Variants in B3GLCT observed in about 807,000 individuals in gnomAD.
The protein encoded by B3GLCT is beta-1,3-glucosyltransferase.
Under a neutral mutation model 63.4 loss-of-function variants are expected in B3GLCT, and 65 were observed. The observed-to-expected ratio is 1.03, with a 90% CI of 0.84 to 1.26. The LOEUF (loss-of-function observed/expected upper bound fraction) is 1.26. Among genes scored for constraint, B3GLCT ranks in the 50% most tolerant of loss-of-function variants. The probability of loss-of-function intolerance (pLI) is 0.00; values close to 1 mark genes in which losing one functional copy is unlikely to be tolerated. For synonymous variants in B3GLCT, 233 were observed against 219.2 expected (o/e 1.06, Z -0.55); for missense variants, 577 against 604.8 (o/e 0.95, Z 0.48).
intron 4 of B3GLCT, 54 bp from the exon 5 acceptor site, chr13:31,246,969 T>TAAA: frequency 9.0e-7 from 1 of 1,105,538 alleles, no homozygotes; most frequent in Non-Finnish European, 1.3e-6. Context: ...TTTTTTTTAC[T>TAAA]TTTTTTCGGA....
At chr13:31,236,354 G>A (rs1003932070) in intron 4 of B3GLCT, among the ~76,000 whole-genome samples, 1 of 151,956 alleles carries the variant, frequency 6.6e-6, no homozygotes, top group African/African-American at 2.4e-5. Flanking sequence ...TCCTTTATTT[G>A]CAGTTTTCTG....
intron 4 of B3GLCT, among the ~76,000 whole-genome samples, chr13:31,233,917 C>T (rs991864900): frequency 7.2e-5 from 11 of 152,058 alleles, no homozygotes; most frequent in African/African-American, 2.7e-4. Context: ...GGGCAAAGTA[C>T]TGGGGATACA....
intron 4 of B3GLCT, among the ~76,000 whole-genome samples, chr13:31,239,820 G>A (rs1032265888): frequency 1.2e-3 from 182 of 152,098 alleles, no homozygotes; most frequent in African/African-American, 4.2e-3. Flanking sequence ...GGAACTTTAC[G>A]TAAGATTAAA....
rs537959317 is a variant in B3GLCT, at chr13:31,282,851, T to G, written c.851-1797T>G. On this transcript the variant is annotated intron_variant, in intron 10 of 14. Coordinates refer to ENST00000343307, the MANE Select transcript of B3GLCT (RefSeq NM_194318.4). ...TTTAACAAGCTTCCACAAATAATCC[T>G]AGGCCTTTTATTGAAATGCCTACAA... Among the ~76,000 whole-genome samples, 9 of 152,344 alleles carry G rather than the reference T, an allele frequency of 5.9e-5. No homozygotes were observed. In the South Asian group the frequency reaches 1.9e-3, roughly 32 times the overall value.
intron 8 of B3GLCT, among the ~76,000 whole-genome samples, chr13:31,273,720 T>G (rs539646252): frequency 2.0e-5 from 3 of 152,240 alleles, no homozygotes; most frequent in Non-Finnish European, 4.4e-5. Context: ...CATTAGCTTC[T>G]GCCTGTTGCT....
chr13:31,240,467 G>GTTTTTTTTTTT (rs146603707), intron 4 of B3GLCT, among the ~76,000 whole-genome samples: 1 of 129,808 alleles, frequency 7.7e-6, no homozygotes, highest in African/African-American at 2.9e-5. Flanking sequence ...TGCCTCTTTA[G>GTTTTTTTTTTT]TTTTTTTTTT....
chr13:31,248,032 A>G (rs1871272226), intron 6 of B3GLCT, 66 bp downstream of exon 6: 1 of 896,404 alleles, frequency 1.1e-6, no homozygotes, highest in South Asian at 1.4e-5. Context: ...TTTAATTTTG[A>G]TTAAGAAGCT....
chr13:31,276,336 A>C (rs570447720), intron 9 of B3GLCT, among the ~76,000 whole-genome samples: 1 of 152,344 alleles, frequency 6.6e-6, no homozygotes, highest in East Asian at 1.9e-4. Flanking sequence ...CAGCTGGAGA[A>C]AGGAAATGAG....
At chr13:31,215,710 G>A (rs1029640531) in intron 2 of B3GLCT, among the ~76,000 whole-genome samples, 6 of 151,962 alleles carry the variant, frequency 3.9e-5, no homozygotes, top group East Asian at 1.9e-4. Context: ...CACCGCACCC[G>A]GCCCAGTCTT....
chr13:31,293,605 T>C (rs138944908), intron 12 of B3GLCT, among the ~76,000 whole-genome samples: 2 of 152,340 alleles, frequency 1.3e-5, no homozygotes, highest in Non-Finnish European at 2.9e-5. Flanking sequence ...ATCTGTTTTA[T>C]CAGATAGTAG....
At chr13:31,276,836 C>G in intron 10 of B3GLCT, 65 bp downstream of exon 10, 2 of 1,185,916 alleles carry the variant, frequency 1.7e-6, no homozygotes, top group South Asian at 2.5e-5. Flanking sequence ...AGAAAAGTAC[C>G]AATGAATTCT....
At position 31,247,971 on chromosome 13, in the gene B3GLCT, A is replaced by C; in HGVS notation, c.459+5A>C. ...AGAAGATATGACCCCTCTAAGGTGA[A>C]TATAACTTCAATACCAGTTCTTATT... On this transcript the variant is annotated splice_donor_5th_base_variant and intron_variant, in intron 6 of 14. Transcript: ENST00000343307. 1 of 1,442,872 alleles carries C rather than the reference A, an allele frequency of 6.9e-7. No individual in the cohort carries two copies. Among genetic ancestry groups the C allele is most frequent in the Non-Finnish European group, 9.8e-7 (1 of 1,024,210 alleles). 89.4% of individuals were successfully genotyped at this position (1,442,872 alleles called of 1,614,324 possible). A position where few individuals can be genotyped will look rare whatever the true frequency, so the allele number is the denominator to read the frequency against.
intron 4 of B3GLCT, among the ~76,000 whole-genome samples, chr13:31,243,434 G>T (rs1871045982): frequency 6.6e-6 from 1 of 152,056 alleles, no homozygotes; most frequent in Admixed American, 6.5e-5. Flanking sequence ...AATAATTAAG[G>T]TTATTTATGA....
At chr13:31,314,044 T>C (rs1244106758) in intron 12 of B3GLCT, among the ~76,000 whole-genome samples, 1 of 152,186 alleles carries the variant, frequency 6.6e-6, no homozygotes, top group African/African-American at 2.4e-5. Context: ...AGCCTGCGGG[T>C]ACACAGAAGT....
intron 6 of B3GLCT, among the ~76,000 whole-genome samples, chr13:31,259,787 C>T (rs571755240): frequency 6.6e-6 from 1 of 151,692 alleles, no homozygotes; most frequent in East Asian, 2.0e-4. Flanking sequence ...ATTCTGAGAT[C>T]TTAGTCCTTT....
intron 13 of B3GLCT, among the ~76,000 whole-genome samples, chr13:31,322,726 A>G (rs1052920846): frequency 6.6e-6 from 1 of 152,172 alleles, no homozygotes; most frequent in African/African-American, 2.4e-5. Flanking sequence ...CAGAGAGCGG[A>G]TCAAAAAAAT....
chr13:31,324,018 C>G, intron 14 of B3GLCT, 123 bp downstream of exon 14: 1 of 1,244,494 alleles, frequency 8.0e-7, no homozygotes. Flanking sequence ...TTGACAGGCT[C>G]CAGGGGAATG....
intron 12 of B3GLCT, chr13:31,312,897 AT>A (rs1874795033): frequency 6.6e-6 from 1 of 152,240 alleles, no homozygotes; most frequent in Admixed American, 6.5e-5. Flanking sequence ...CACCACTCTT[AT>A]TACGAGGCAG....
At chr13:31,230,824 A>G (rs1290237059) in intron 4 of B3GLCT, among the ~76,000 whole-genome samples, 1 of 152,054 alleles carries the variant, frequency 6.6e-6, no homozygotes, top group East Asian at 1.9e-4. Context: ...CCTGGCCAAT[A>G]TGGTGAAACC....
Sources: allele counts gnomAD v4.1 joint callset (sites outside exome capture counted in the v4.1 genomes callset), GRCh38; gene constraint gnomAD v4.1.1; transcripts MANE v1.5; gene names NCBI Gene and HGNC (gene_info 2026-07-23, HGNC 2026-07-21).